Variants in DLC1 observed in about 807,000 individuals in gnomAD.
DLC1 encodes DLC1 Rho GTPase activating protein, also known as rho GTPase-activating protein 7.
DLC1 carries 54 observed loss-of-function variants against 140.3 expected under a neutral mutation model. That is an observed-to-expected ratio of 0.38 (90% CI 0.31 to 0.48). DLC1 has a LOEUF of 0.48. Among genes scored for constraint, DLC1 ranks in the 20% least tolerant of loss-of-function variants. The probability of loss-of-function intolerance (pLI) is 0.96; values close to 1 mark genes in which losing one functional copy is unlikely to be tolerated. For missense variants in DLC1, 2,536 were observed against 1,907.0 expected (o/e 1.33, Z -6.14); for synonymous variants, 986 against 728.1 (o/e 1.35, Z -5.70).
intron 2 of DLC1, among the ~76,000 whole-genome samples, chr8:13,404,917 G>C (rs11997271): frequency 0.068 from 10,325 of 152,124 alleles, 455 homozygotes; most frequent in South Asian, 0.13. Flanking sequence ...TGAGGCAAGA[G>C]AGTCGCTTGA....
At chr8:13,208,716 AACACACACCACACACACACAT>A (rs1827790507) in intron 5 of DLC1, among the ~76,000 whole-genome samples, 1 of 141,850 alleles carries the variant, frequency 7.0e-6, no homozygotes, top group South Asian at 2.2e-4. Context: ...CAGGACAAGA[AACACACACCACACACACACAT>A]ACACACAGAC....
intron 5 of DLC1, among the ~76,000 whole-genome samples, chr8:13,237,781 A>T (rs750315794): frequency 6.6e-6 from 1 of 152,086 alleles, no homozygotes; most frequent in Non-Finnish European, 1.5e-5. Flanking sequence ...TTTTCTGACC[A>T]CACTGTGGAA....
intron 5 of DLC1, among the ~76,000 whole-genome samples, chr8:13,270,905 C>A (rs1830905395): frequency 6.6e-6 from 1 of 152,104 alleles, no homozygotes; most frequent in African/African-American, 2.4e-5. Flanking sequence ...CAGAGTAGCT[C>A]ATTTAATCCT....
intron 4 of DLC1, chr8:13,341,912 G>T (rs1671346): frequency 6.6e-6 from 1 of 152,104 alleles, no homozygotes; most frequent in Non-Finnish European, 1.5e-5. Flanking sequence ...CAGCTGAAGA[G>T]TCTTTCAGTA....
chr8:13,114,178 A>T (rs62493007), intron 6 of DLC1, among the ~76,000 whole-genome samples: 57,269 of 152,052 alleles, frequency 0.38, 12,767 homozygotes, highest in South Asian at 0.52. Flanking sequence ...CTTGGCCAAC[A>T]TGGTAAAACC....
chr8:13,132,828 A>G, intron 5 of DLC1: 1 of 1,293,494 alleles, frequency 7.7e-7, no homozygotes, highest in Non-Finnish European at 1.1e-6. Flanking sequence ...GAAAGCGTTT[A>G]AAGAGCACAG....
At chr8:13,300,177 C>G (rs1338153432) in intron 5 of DLC1, among the ~76,000 whole-genome samples, 2 of 152,100 alleles carry the variant, frequency 1.3e-5, no homozygotes, top group South Asian at 2.1e-4. Context: ...CAAACTAAAG[C>G]AGGAACAGAA....
At chr8:13,188,839 ATATATTTTTTTTTTTTT>A (rs1826566531) in intron 5 of DLC1, among the ~76,000 whole-genome samples, 1 of 27,288 alleles carries the variant, frequency 3.7e-5, no homozygotes, top group Non-Finnish European at 7.3e-5. Flanking sequence ...ATATATATAT[ATATATTTTTTTTTTTTT>A]TTTTTTTTTT....
chr8:13,243,654 G>A (rs1019894685), intron 5 of DLC1, among the ~76,000 whole-genome samples: 2 of 152,034 alleles, frequency 1.3e-5, no homozygotes, highest in Non-Finnish European at 2.9e-5. Context: ...TGTCACTGTT[G>A]TACTAAAAAT....
At chr8:13,533,530 T>C (rs1031287617) in intron 1 of DLC1, among the ~76,000 whole-genome samples, 2 of 152,192 alleles carry the variant, frequency 1.3e-5, no homozygotes, top group African/African-American at 4.8e-5. Flanking sequence ...GAAATCTCCA[T>C]AATCATGAAA....
At chr8:13,315,025 T>A (rs1832812677) in intron 4 of DLC1, among the ~76,000 whole-genome samples, 1 of 152,226 alleles carries the variant, frequency 6.6e-6, no homozygotes, top group East Asian at 1.9e-4. Flanking sequence ...TCTGCAACTC[T>A]AATGAAACTC....
chr8:13,356,560 G>A (rs1389277647), intron 4 of DLC1, among the ~76,000 whole-genome samples: 1 of 152,100 alleles, frequency 6.6e-6, no homozygotes, highest in African/African-American at 2.4e-5. Context: ...CTTTCTTTCT[G>A]TCTCCTTAGA....
chr8:13,211,904 G>T (rs1827965879), intron 5 of DLC1, among the ~76,000 whole-genome samples: 1 of 152,134 alleles, frequency 6.6e-6, no homozygotes, highest in Non-Finnish European at 1.5e-5. Context: ...TATTGTATAT[G>T]TCAGCATGCT....
chr8:13,089,309 A>G (rs947932423), intron 15 of DLC1, among the ~76,000 whole-genome samples: 1 of 150,154 alleles, frequency 6.7e-6, no homozygotes, highest in Non-Finnish European at 1.5e-5. Flanking sequence ...TCTGGGACCT[A>G]TATCAGAGTG....
chr8:13,549,022 C>A (rs751993624), intron 1 of DLC1, among the ~76,000 whole-genome samples: 1 of 152,004 alleles, frequency 6.6e-6, no homozygotes, highest in Non-Finnish European at 1.5e-5. Context: ...TATTTTTAAA[C>A]ATTTTTCCTT....
chr8:13,281,572 A>G (rs549229085), intron 5 of DLC1, among the ~76,000 whole-genome samples: 7 of 152,352 alleles, frequency 4.6e-5, no homozygotes, highest in Admixed American at 3.3e-4. Flanking sequence ...AAATAAATAT[A>G]TACACTGGGG....
Position 13,579,245 on chromosome 8 carries a change from CAT to C in DLC1, c.-126+25290_-126+25291del, listed in dbSNP as rs749246152. ...GGAGCTCTAATTGAGGAACAGGGAGCATATATATATATATATATATATATGCA... is the reference window on the plus strand; with the variant it reads ...GGAGCTCTAATTGAGGAACAGGGAGCATATATATATATATATATATATGCA... On this transcript the variant is annotated intron_variant, in intron 1 of 1. Coordinates refer to the DLC1 transcript ENST00000631382. Among the ~76,000 whole-genome samples the C allele has an allele frequency of 6.9e-4, 13 of 18,896 alleles. 2 individuals are homozygous for C. Among genetic ancestry groups the C allele is most frequent in the African/African-American group, 2.1e-3 (12 of 5,710 alleles). The allele number at this position is 18,896 out of a possible 152,430, so 12.4% of individuals were successfully genotyped here.
chr8:13,308,985 G>A (rs1229542055), intron 4 of DLC1, among the ~76,000 whole-genome samples: 1 of 152,100 alleles, frequency 6.6e-6, no homozygotes, highest in Non-Finnish European at 1.5e-5. Flanking sequence ...TACAGAGTAG[G>A]TGTTCATCAA....
chr8:13,410,463 T>A (rs984608729), intron 2 of DLC1, among the ~76,000 whole-genome samples: 3 of 151,974 alleles, frequency 2.0e-5, no homozygotes, highest in African/African-American at 7.2e-5. Context: ...AAGAGAATAA[T>A]ACGAAAATCT....
Sources: allele counts gnomAD v4.1 joint callset (sites outside exome capture counted in the v4.1 genomes callset), GRCh38; gene constraint gnomAD v4.1.1; transcripts MANE v1.5; gene names NCBI Gene and HGNC (gene_info 2026-07-23, HGNC 2026-07-21).